DST: variants seen among roughly 807,000 people sequenced by gnomAD.
The protein encoded by DST is dystonin.
Under a neutral mutation model 875.2 loss-of-function variants are expected in DST, and 253 were observed. The ratio of observed to expected loss-of-function variants is 0.29; its 90% CI spans 0.26 to 0.32. The LOEUF is 0.32. Ranked by LOEUF, DST falls within the 10% of genes least tolerant of loss-of-function variation. DST has a pLI of 1.00. For synonymous variants in DST, 3,124 were observed against 3,197.1 expected (o/e 0.98, Z 0.77); for missense variants, 8,287 against 9,111.6 (o/e 0.91, Z 3.68).
In DST at chr6:56,693,018, A is replaced by T. The variant is rs190173665; in HGVS notation, c.1047+6635T>A. On this transcript the variant is annotated intron_variant, in intron 9 of 103. Coordinates refer to ENST00000680361, the MANE Select transcript of DST (RefSeq NM_001374736.1). ...CCCCAACTGACTCTTTGTCACCTCC[A>T]GTTTTTTTGATCGGTTTTCTTCTGA... The T allele has an allele frequency of 4.7e-5, 61 of 1,289,680 alleles. No individual in the cohort carries two copies. The East Asian group carries it at 2.8e-3, about 59-fold the overall frequency. The allele number at this position is 1,289,680 out of a possible 1,614,324, so 79.9% of individuals were successfully genotyped here. A position where few individuals can be genotyped will look rare whatever the true frequency, so the allele number is the denominator to read the frequency against.
chr6:56,886,919 A>C (rs769888201), intron 3 of DST, among the ~76,000 whole-genome samples: 25 of 152,210 alleles, frequency 1.6e-4, no homozygotes, highest in Non-Finnish European at 3.4e-4. Context: ...CAGAACTAAA[A>C]TAAATAAATA....
At chr6:56,692,069 C>A (rs1341702716) in intron 9 of DST, among the ~76,000 whole-genome samples, 1 of 152,122 alleles carries the variant, frequency 6.6e-6, no homozygotes, top group African/African-American at 2.4e-5. Flanking sequence ...ACAGGCTATT[C>A]CACAGGCAAA....
intron 50 of DST, among the ~76,000 whole-genome samples, chr6:56,574,539 T>C (rs1298487407): frequency 6.6e-6 from 1 of 152,108 alleles, no homozygotes; most frequent in African/African-American, 2.4e-5. Context: ...TATACACTAA[T>C]TGAATTTATT....
intron 87 of DST, among the ~76,000 whole-genome samples, chr6:56,486,706 C>T (rs2095581419): frequency 6.6e-6 from 1 of 152,096 alleles, no homozygotes; most frequent in Non-Finnish European, 1.5e-5. Context: ...TGTTTCAATG[C>T]ATGCCCAGTA....
intron 4 of DST, among the ~76,000 whole-genome samples, chr6:56,806,940 T>A (rs35251663): frequency 0.16 from 24,799 of 152,148 alleles, 2,237 homozygotes; most frequent in Non-Finnish European, 0.19. Context: ...CTATATAATA[T>A]ACCTATAGCT....
chr6:56,764,981 G>A (rs1234179221), intron 4 of DST, among the ~76,000 whole-genome samples: 2 of 141,910 alleles, frequency 1.4e-5, no homozygotes, highest in African/African-American at 5.6e-5. Flanking sequence ...AAGGGAGGGA[G>A]GGAGGGAGGG....
intron 51 of DST, 126 bp downstream of exon 51, chr6:56,573,553 C>T (rs1198085887): frequency 7.3e-6 from 5 of 685,770 alleles, no homozygotes; most frequent in Admixed American, 5.6e-5. Context: ...TTACTTTCCA[C>T]ACTCATATTC....
Position 56,593,727 on chromosome 6 carries a change from G to A in DST, c.12662C>T (p.Thr4221Ile). The A allele has an allele frequency of 6.2e-7, 1 of 1,613,684 alleles. No homozygotes were observed. Among genetic ancestry groups the A allele is most frequent in the Admixed American group, 1.7e-5 (1 of 59,990 alleles). The change falls in exon 48 of 104, where the codon ACC (threonine) becomes ATC (isoleucine). Residue 4221 changes from threonine (T) to isoleucine (I), a missense_variant. By Grantham distance (89) the Thr-to-Ile change is moderately conservative (BLOSUM62 -1). Transcript: ENST00000680361. ...RDGGKVDTSA[T>I]HREVQRKLDH... ...CAACTTGCGCTGCACTTCTCTGTGG[G>A]TTGCAGAAGTATCAACCTTGCCACC...
chr6:56,607,766 C>T lies in DST; in HGVS notation c.6862G>A (p.Glu2288Lys). ...CTATTTTCAGGAGTCTCTTCATGTTCAGGTTCTCCACAGTGACATTTATTG... is the reference window on the plus strand; with the variant it reads ...CTATTTTCAGGAGTCTCTTCATGTTTAGGTTCTCCACAGTGACATTTATTG... ...SFNKCHCGEPEHEETPENRKC... is the reference protein window; with the variant it reads ...SFNKCHCGEPKHEETPENRKC... Residue 2288 changes from glutamate to lysine, a missense_variant, in exon 40 of 104, where the codon GAA (glutamate) becomes AAA (lysine). Physicochemically the swap from Glu to Lys is moderately conservative, Grantham distance 56. Coordinates refer to ENST00000680361, the MANE Select transcript of DST (RefSeq NM_001374736.1). 2.5e-6 allele frequency: 4 copies of T among 1,613,390 alleles called. No individual in the cohort carries two copies. Among genetic ancestry groups the T allele is most frequent in the Non-Finnish European group, 3.4e-6 (4 of 1,179,672 alleles).
rs375126533 is a variant in DST, at chr6:56,482,758, T to C, written c.21327A>G (p.Glu7109=). 2 of 1,613,818 alleles carry C rather than the reference T, an allele frequency of 1.2e-6. No individual in the cohort carries two copies. The highest frequency in any genetic ancestry group is 1.7e-6 in the Non-Finnish European group (2 of 1,179,848). ...DSSWVKVQMQ[E]LSTRWETVCA... ...ACACGGTCTCCCAGCGTGTGCTTAA[T>C]TCCTGCATCTGGACCTTGACCCAGG... The change falls in exon 89 of 104, where the codon GAA becomes GAG. Residue 7109 remains glutamate (E), a synonymous_variant. Coordinates refer to ENST00000680361, the MANE Select transcript of DST (RefSeq NM_001374736.1).
intron 3 of DST, among the ~76,000 whole-genome samples, chr6:56,884,761 C>T (rs561839195): frequency 6.6e-6 from 1 of 152,138 alleles, no homozygotes; most frequent in East Asian, 1.9e-4. Context: ...TGGAGTCTCA[C>T]TCTGTTGCCC....
At chr6:56,683,994 T>C (rs1460485893) in intron 9 of DST, among the ~76,000 whole-genome samples, 1 of 152,250 alleles carries the variant, frequency 6.6e-6, no homozygotes, top group African/African-American at 2.4e-5. Context: ...TATCTCATCT[T>C]ATAGCACACT....
chr6:56,658,837 G>A (rs1338457288), intron 10 of DST, among the ~76,000 whole-genome samples: 1 of 152,144 alleles, frequency 6.6e-6, no homozygotes, highest in African/African-American at 2.4e-5. Context: ...AAAACCTGGT[G>A]GAAGAGCACT....
At chr6:56,660,209 T>A (rs2099031941) in intron 10 of DST, among the ~76,000 whole-genome samples, 2 of 152,216 alleles carry the variant, frequency 1.3e-5, no homozygotes, top group Admixed American at 1.3e-4. Flanking sequence ...TTCTCTGGTG[T>A]GCTTCCTGTG....
At chr6:56,821,567 T>G (rs545828768) in intron 4 of DST, among the ~76,000 whole-genome samples, 52 of 152,296 alleles carry the variant, frequency 3.4e-4, no homozygotes, top group African/African-American at 1.2e-3. Flanking sequence ...GAGCTGAATA[T>G]CTCTGAACCT....
intron 83 of DST, among the ~76,000 whole-genome samples, 180 bp downstream of exon 83, chr6:56,493,830 T>C (rs2095829759): frequency 6.6e-6 from 1 of 152,196 alleles, no homozygotes; most frequent in Non-Finnish European, 1.5e-5. Flanking sequence ...AAATATGTTC[T>C]CATGTTAAAA....
At chr6:56,585,706 T>C (rs1264101036) in intron 49 of DST, among the ~76,000 whole-genome samples, 8 of 151,484 alleles carry the variant, frequency 5.3e-5, no homozygotes, top group Admixed American at 4.6e-4. Context: ...ATTTTGGATC[T>C]TTCCTCCTTT....
At chr6:56,735,978 C>T (rs577957974) in intron 4 of DST, among the ~76,000 whole-genome samples, 2 of 152,256 alleles carry the variant, frequency 1.3e-5, no homozygotes, top group African/African-American at 4.8e-5. Context: ...CCTGCGTCAG[C>T]CCCCAGAGTA....
At chr6:56,658,730 T>G (rs932936318) in intron 10 of DST, among the ~76,000 whole-genome samples, 1 of 152,222 alleles carries the variant, frequency 6.6e-6, no homozygotes, top group African/African-American at 2.4e-5. Context: ...ATATTTAATA[T>G]GCATTTACCA....
Sources: allele counts gnomAD v4.1 joint callset (sites outside exome capture counted in the v4.1 genomes callset), GRCh38; gene constraint gnomAD v4.1.1; transcripts MANE v1.5; gene names NCBI Gene and HGNC (gene_info 2026-07-23, HGNC 2026-07-21).